The following KHDRBS2 variants were observed in gnomAD, a reference collection of about 807,000 sequenced individuals.
KHDRBS2 encodes the protein KH domain-containing, RNA-binding, signal transduction-associated protein 2.
KHDRBS2 carries 26 observed loss-of-function variants against 44.3 expected under a neutral mutation model. The ratio of observed to expected loss-of-function variants is 0.59; its 90% CI spans 0.43 to 0.81. The LOEUF (loss-of-function observed/expected upper bound fraction) is 0.81. KHDRBS2 is among the 40% of genes least tolerant of loss of function. The probability of loss-of-function intolerance (pLI) is 0.00; values close to 1 mark genes in which losing one functional copy is unlikely to be tolerated. For missense variants in KHDRBS2, 476 were observed against 433.1 expected (o/e 1.10, Z -0.88); for synonymous variants, 194 against 151.1 (o/e 1.28, Z -2.08).
intron 1 of KHDRBS2, among the ~76,000 whole-genome samples, chr6:62,275,008 T>TACACACACAC (rs145870587): frequency 0.011 from 1,508 of 142,454 alleles, 30 homozygotes; most frequent in African/African-American, 0.037. Context: ...GCTCATCAAA[T>TACACACACAC]ACACACACAC....
chr6:62,076,766 T>TA (rs1226602257), intron 2 of KHDRBS2, among the ~76,000 whole-genome samples: 2 of 151,800 alleles, frequency 1.3e-5, no homozygotes, highest in African/African-American at 4.8e-5. Context: ...AAATAAATAA[T>TA]AAAAATAGCT....
chr6:62,177,168 A>C lies in KHDRBS2; in HGVS notation c.219+17T>G. On this transcript the variant is annotated intron_variant, in intron 2 of 8. Coordinates refer to ENST00000281156, the MANE Select transcript of KHDRBS2 (RefSeq NM_152688.4). ...TTCTAAATCAATTATATGAGAACAA[A>C]GTATATATGGTAGTACCTTTGGATA... 1 of 1,425,846 alleles carries C rather than the reference A, an allele frequency of 7.0e-7. No individual in the cohort carries two copies. Among genetic ancestry groups the C allele is most frequent in the East Asian group, 2.3e-5 (1 of 43,386 alleles). 88.3% of individuals were successfully genotyped at this position (1,425,846 alleles called of 1,614,324 possible). A position where few individuals can be genotyped will look rare whatever the true frequency, so the allele number is the denominator to read the frequency against.
At chr6:61,853,646 A>C (rs1019984766) in intron 6 of KHDRBS2, among the ~76,000 whole-genome samples, 1 of 152,218 alleles carries the variant, frequency 6.6e-6, no homozygotes, top group Non-Finnish European at 1.5e-5. Flanking sequence ...ATTGCTAGAT[A>C]CTGTCTCTGT....
chr6:61,687,292 C>G (rs1443816026), intron 8 of KHDRBS2, among the ~76,000 whole-genome samples: 1 of 151,670 alleles, frequency 6.6e-6, no homozygotes, highest in East Asian at 1.9e-4. Flanking sequence ...TTTTATCACT[C>G]TTTCAAATTT....
At chr6:61,578,840 A>G in the KHDRBS2 span, among the ~76,000 whole-genome samples, 273 of 152,210 alleles carry the variant, frequency 1.8e-3, 1 homozygote, top group African/African-American at 5.6e-3. Context: ...TGTCTTCTTT[A>G]AAGAAGACAA....
chr6:62,108,887 A>C (rs1804261142), intron 2 of KHDRBS2, among the ~76,000 whole-genome samples: 1 of 152,232 alleles, frequency 6.6e-6, no homozygotes, highest in East Asian at 1.9e-4. Flanking sequence ...ATAGGTGGGA[A>C]TTGAACAATG....
chr6:62,108,323 A>T (rs1804035912), intron 2 of KHDRBS2, among the ~76,000 whole-genome samples: 1 of 152,236 alleles, frequency 6.6e-6, no homozygotes, highest in South Asian at 2.1e-4. Flanking sequence ...ACATTTATGC[A>T]GCCAAAAAAA....
At chr6:62,132,137 A>G (rs1159119359) in intron 2 of KHDRBS2, among the ~76,000 whole-genome samples, 4 of 152,334 alleles carry the variant, frequency 2.6e-5, no homozygotes, top group African/African-American at 9.6e-5. Context: ...AGGAAGGTAA[A>G]AGTTCATCTC....
intron 3 of KHDRBS2, among the ~76,000 whole-genome samples, chr6:62,042,366 C>T (rs1409871034): frequency 2.6e-5 from 4 of 152,074 alleles, no homozygotes; most frequent in African/African-American, 7.2e-5. Flanking sequence ...GCATTCTTTC[C>T]TTCAGAAGGC....
intron 6 of KHDRBS2, among the ~76,000 whole-genome samples, chr6:61,800,811 T>C (rs968313224): frequency 2.6e-5 from 4 of 152,130 alleles, no homozygotes; most frequent in African/African-American, 7.2e-5. Flanking sequence ...CTTTTTAGGA[T>C]TGGGACAACA....
chr6:62,246,637 C>T (rs1835626210), intron 1 of KHDRBS2, among the ~76,000 whole-genome samples: 1 of 151,938 alleles, frequency 6.6e-6, no homozygotes, highest in African/African-American at 2.4e-5. Flanking sequence ...TTTTCAAATG[C>T]TGACAAAGTA....
At chr6:61,794,755 G>A (rs1204561399) in intron 6 of KHDRBS2, among the ~76,000 whole-genome samples, 1 of 152,086 alleles carries the variant, frequency 6.6e-6, no homozygotes, top group South Asian at 2.1e-4. Flanking sequence ...ACAAATACAT[G>A]TTGCTGTGTT....
chr6:62,273,715 C>T (rs1051502810), intron 1 of KHDRBS2, among the ~76,000 whole-genome samples: 5 of 152,114 alleles, frequency 3.3e-5, no homozygotes, highest in Non-Finnish European at 7.3e-5. Context: ...GCAGCACCAT[C>T]TTTCTCCAGA....
At chr6:61,627,240 G>A in the KHDRBS2 span, among the ~76,000 whole-genome samples, 4 of 112,260 alleles carry the variant, frequency 3.6e-5, no homozygotes, top group South Asian at 3.5e-4. Flanking sequence ...GCGACAGAGC[G>A]AGACTCCGTC....
rs528143296 is a variant in KHDRBS2 at position 61,728,061 on chromosome 6, G to T, written c.893+4621C>A. Reference sequence around the variant, plus strand: ...GTTGATTACCCAACATGATAGACTGGATATAGAAAATGTGGTACATATACA... The same window carrying T: ...GTTGATTACCCAACATGATAGACTGTATATAGAAAATGTGGTACATATACA... On this transcript the variant is annotated intron_variant, in intron 7 of 8. Coordinates refer to ENST00000281156, the MANE Select transcript of KHDRBS2 (RefSeq NM_152688.4). 3.3e-5 allele frequency among the ~76,000 whole-genome samples: 5 copies of T among 152,176 alleles called. No homozygotes were observed. The East Asian group carries it at 9.7e-4, about 29-fold the overall frequency.
chr6:61,854,414 T>C (rs1562307705), intron 6 of KHDRBS2, among the ~76,000 whole-genome samples: 4 of 152,158 alleles, frequency 2.6e-5, no homozygotes, highest in Admixed American at 2.0e-4. Context: ...AAATTGCATG[T>C]AGATACTTTT....
rs557653725 is a variant in KHDRBS2, at chr6:61,746,787, C to G, written c.811-14023G>C. Among the ~76,000 whole-genome samples, 3 of 152,038 alleles carry G rather than the reference C, an allele frequency of 2.0e-5. No homozygotes were observed. The South Asian group carries it at 6.2e-4, about 32-fold the overall frequency. ...AACCATAAAAACCCTAGAAGAAAAC[C>G]TAGGCCATGCCATTCAGGACATAGG... On this transcript the variant is annotated intron_variant, in intron 6 of 8. Transcript: ENST00000281156.
In KHDRBS2 at chr6:62,113,585, C is replaced by A. The variant is rs1474488680; in HGVS notation, c.219+63600G>T. On this transcript the variant is annotated intron_variant, in intron 2 of 8. Coordinates refer to ENST00000281156, the MANE Select transcript of KHDRBS2 (RefSeq NM_152688.4). ...TCATCTTTTCATATTATCCCAAATGCTATTTTTAACACAATCGCATGGCCT... is the reference window on the plus strand; with the variant it reads ...TCATCTTTTCATATTATCCCAAATGATATTTTTAACACAATCGCATGGCCT... Among the ~76,000 whole-genome samples the A allele has an allele frequency of 2.0e-5, 3 of 152,066 alleles. No individual in the cohort carries two copies. The East Asian group carries it at 5.8e-4, about 29-fold the overall frequency.
At chr6:62,166,868 A>G (rs183417375) in intron 2 of KHDRBS2, among the ~76,000 whole-genome samples, 1 of 152,204 alleles carries the variant, frequency 6.6e-6, no homozygotes, top group Admixed American at 6.6e-5. Context: ...CCGTGAGCTA[A>G]TGAGTGTAGA....
Sources: allele counts gnomAD v4.1 joint callset (sites outside exome capture counted in the v4.1 genomes callset), GRCh38; gene constraint gnomAD v4.1.1; transcripts MANE v1.5; gene names NCBI Gene and HGNC (gene_info 2026-07-23, HGNC 2026-07-21).